PRKAR1B: variants seen among roughly 807,000 people sequenced by gnomAD.
The protein encoded by PRKAR1B is cAMP-dependent protein kinase type I-beta regulatory subunit.
PRKAR1B carries 22 observed loss-of-function variants against 46.5 expected under a neutral mutation model. That is an observed-to-expected ratio of 0.47 (90% CI 0.34 to 0.68). The LOEUF (loss-of-function observed/expected upper bound fraction) is 0.68, where lower values mean the gene tolerates loss of function less well. Ranked by LOEUF, PRKAR1B falls within the 30% of genes least tolerant of loss-of-function variation. PRKAR1B has a pLI of 0.01. For synonymous variants in PRKAR1B, 259 were observed against 217.7 expected (o/e 1.19, Z -1.67); for missense variants, 445 against 535.6 (o/e 0.83, Z 1.67).
rs531161485 is a variant in PRKAR1B at position 572,930 on chromosome 7, C to T, written c.891+6326G>A. On this transcript the variant is annotated intron_variant, in intron 9 of 10. Transcript: ENST00000537384. ...GCCGGCCCCAGGGAGAGCGAGGGAC[C>T]GGCATCTCCTCCACGCGCTGCTTCA... Among the ~76,000 whole-genome samples, 36 of 152,342 alleles carry T rather than the reference C, an allele frequency of 2.4e-4. No individual in the cohort carries two copies. The East Asian group carries it at 6.0e-3, about 25-fold the overall frequency.
chr7:676,325 G>C (rs1786579399), intron 4 of PRKAR1B, among the ~76,000 whole-genome samples: 1 of 152,036 alleles, frequency 6.6e-6, no homozygotes, highest in Non-Finnish European at 1.5e-5. Flanking sequence ...GACCTCCTCT[G>C]TCCCCTCACT....
chr7:699,677 G>T (rs1298821309), intron 2 of PRKAR1B, among the ~76,000 whole-genome samples: 1 of 152,184 alleles, frequency 6.6e-6, no homozygotes, highest in Non-Finnish European at 1.5e-5. Context: ...CTGAAGAGCG[G>T]CCAGCTGCAG....
rs199568828 is a variant in PRKAR1B, at chr7:680,646, G to A, written c.258C>T (p.Pro86=). ...GGCGGGCCTTCACCACAGGGTTCGG[G>A]GGGGTGGGCGACACCTCCTCATCAT... is the stretch of plus-strand genomic sequence containing the variant. ...DSHDEEVSPT[P]PNPVVKARRR... is the part of the protein sequence containing the mutation. The change falls in exon 3 of 11, where the codon CCC becomes CCT. Residue 86 remains proline, a synonymous_variant. Transcript: ENST00000537384. The A allele has an allele frequency of 1.2e-6, 2 of 1,613,584 alleles. No homozygotes were observed. The highest frequency in any genetic ancestry group is 2.2e-5 in the South Asian group (2 of 91,060).
intron 4 of PRKAR1B, among the ~76,000 whole-genome samples, chr7:650,941 T>C (rs1334092969): frequency 6.6e-6 from 1 of 152,086 alleles, no homozygotes; most frequent in African/African-American, 2.4e-5. Flanking sequence ...GAGCCCTGAC[T>C]CAGCTTCTTC....
intron 4 of PRKAR1B, among the ~76,000 whole-genome samples, chr7:653,337 C>T (rs1286409499): frequency 6.6e-6 from 1 of 152,200 alleles, no homozygotes; most frequent in African/African-American, 2.4e-5. Context: ...TACTTTGCAG[C>T]AGCAGCCTCT....
rs1169001385 is a variant in PRKAR1B at position 560,459 on chromosome 7, AAAGT to A, written c.892-8993_892-8990del. ...ACTGCTATCACTTTCCATAAATTAA[AAAGT>A]AACTAAAAGATTAAGCACAGCTGGA... On this transcript the variant is annotated intron_variant, in intron 9 of 10. Coordinates refer to ENST00000537384, the MANE Select transcript of PRKAR1B (RefSeq NM_001164760.2). This position sits in a 1 kb window ranked among gnomAD's most constrained non-coding sequence, Gnocchi z 4.2. Among the ~76,000 whole-genome samples the A allele has an allele frequency of 6.6e-6, 1 of 152,124 alleles. No individual in the cohort carries two copies. The highest frequency in any genetic ancestry group is 1.5e-5 in the Non-Finnish European group (1 of 68,026).
chr7:590,128 C>A (rs1218771432), intron 7 of PRKAR1B, among the ~76,000 whole-genome samples: 1 of 152,354 alleles, frequency 6.6e-6, no homozygotes, highest in East Asian at 1.9e-4. Flanking sequence ...AGAGGGGGCT[C>A]TGGCACTCTG....
chr7:552,829 G>A (rs1049402313), intron 9 of PRKAR1B, among the ~76,000 whole-genome samples: 2 of 152,200 alleles, frequency 1.3e-5, no homozygotes, highest in African/African-American at 2.4e-5. Context: ...CAGCCATCCC[G>A]GCCTCCCCGG....
At chr7:685,396 A>ATG (rs1171211566) in intron 2 of PRKAR1B, among the ~76,000 whole-genome samples, 2 of 123,512 alleles carry the variant, frequency 1.6e-5, no homozygotes, top group African/African-American at 6.6e-5. Flanking sequence ...ATATATATAT[A>ATG]TATATGTATA....
chr7:671,678 G>A (rs1056406303), intron 4 of PRKAR1B, among the ~76,000 whole-genome samples: 1 of 152,002 alleles, frequency 6.6e-6, no homozygotes, highest in African/African-American at 2.4e-5. Flanking sequence ...ACACATATTT[G>A]AATCCCAGGA....
intron 4 of PRKAR1B, among the ~76,000 whole-genome samples, chr7:623,329 CACAA>C (rs1443245611): frequency 2.6e-5 from 4 of 152,220 alleles, no homozygotes; most frequent in African/African-American, 9.6e-5. Context: ...GGTTCCTAAC[CACAA>C]ACATGTGGTA....
intron 4 of PRKAR1B, among the ~76,000 whole-genome samples, chr7:647,572 C>T (rs533864165): frequency 1.3e-5 from 2 of 151,980 alleles, no homozygotes; most frequent in South Asian, 2.1e-4. Context: ...TTTGGGGGGC[C>T]GAGACAAGTG....
intron 2 of PRKAR1B, among the ~76,000 whole-genome samples, chr7:686,858 C>T (rs533104392): frequency 1.3e-5 from 2 of 152,076 alleles, no homozygotes; most frequent in African/African-American, 2.4e-5. Flanking sequence ...GGTTTCAACA[C>T]ATTTGCAGAG....
intron 6 of PRKAR1B, among the ~76,000 whole-genome samples, chr7:600,227 G>A (rs10261363): frequency 0.064 from 9,783 of 152,318 alleles, 377 homozygotes; most frequent in East Asian, 0.079. Flanking sequence ...AAGTAGGGCC[G>A]AGGGCAGTGG....
intron 4 of PRKAR1B, among the ~76,000 whole-genome samples, chr7:671,362 G>T (rs1391697081): frequency 6.6e-6 from 1 of 152,238 alleles, no homozygotes; most frequent in Non-Finnish European, 1.5e-5. Context: ...AGAGGAACGA[G>T]CCATGCAGAG....
intron 4 of PRKAR1B, chr7:607,822 C>T (rs1324085767): frequency 4.6e-6 from 1 of 219,360 alleles, no homozygotes; most frequent in African/African-American, 2.4e-5. Context: ...AGAATACAAC[C>T]AGCAATCTTG....
intron 5 of PRKAR1B, 120 bp downstream of exon 5, chr7:607,271 C>T: frequency 1.1e-6 from 1 of 941,496 alleles, no homozygotes; most frequent in East Asian, 2.8e-5. Context: ...ACCTCAGCCT[C>T]CCAAAGTGCT....
chr7:647,534 C>G (rs551347831), intron 4 of PRKAR1B, among the ~76,000 whole-genome samples: 2 of 152,052 alleles, frequency 1.3e-5, no homozygotes, highest in Non-Finnish European at 2.9e-5. Flanking sequence ...AGGCCAGGCG[C>G]GGTGGCTCAT....
At chr7:717,643 G>A (rs1352182211) in intron 1 of PRKAR1B, among the ~76,000 whole-genome samples, 2 of 152,188 alleles carry the variant, frequency 1.3e-5, no homozygotes, top group African/African-American at 4.8e-5. Flanking sequence ...GGGCAACAGA[G>A]TGAGACCTTG....
Sources: allele counts gnomAD v4.1 joint callset (sites outside exome capture counted in the v4.1 genomes callset), GRCh38; gene constraint gnomAD v4.1.1; non-coding constraint Gnocchi (gnomAD v3.1); transcripts MANE v1.5; gene names NCBI Gene and HGNC (gene_info 2026-07-23, HGNC 2026-07-21).